Variants in VSIR observed in about 807,000 individuals in gnomAD.
The protein encoded by VSIR is V-type immunoglobulin domain-containing suppressor of T-cell activation.
In VSIR, 10 loss-of-function variants were observed where a neutral mutation model predicts 31.0. The ratio of observed to expected loss-of-function variants is 0.32; its 90% CI spans 0.20 to 0.55. The LOEUF (loss-of-function observed/expected upper bound fraction) is 0.55. Ranked by LOEUF, VSIR falls within the 20% of genes least tolerant of loss-of-function variation. The pLI is 0.93. For missense variants in VSIR, 356 were observed against 416.2 expected, an observed-to-expected ratio of 0.86 and a Z score of 1.26; for synonymous variants, 179 against 180.1, an observed-to-expected ratio of 0.99 and a Z score of 0.05.
Position 71,762,017 on chromosome 10 carries a change from G to C in VSIR, c.92C>G (p.Ala31Gly). 6.2e-7 allele frequency: 1 copy of C among 1,601,388 alleles called. No homozygotes were observed. Among genetic ancestry groups the C allele is most frequent in the Non-Finnish European group, 8.5e-7 (1 of 1,172,894 alleles). ...ATACGGCGTGGCGACCTTGAAGGCT[G>C]CCACCGGACCTGCTCAGAGAGAGGA... The part of the protein sequence containing the change: ...LFLAASLGPV[A>G]AFKVATPYSL... The change falls in exon 2 of 7, where the codon GCA (alanine) becomes GGA (glycine). Residue 31 changes from alanine to glycine, a missense_variant. Transcript: ENST00000394957.
Position 71,760,852 on chromosome 10 carries a change from G to A in VSIR, c.568+16C>T, listed in dbSNP as rs1288652764. The stretch of plus-strand genomic sequence containing the variant: ...AAAACAGAGAACCCAAAAGGGGCAA[G>A]AGGTTGGTCCCTTACTTTCACTATC... On this transcript the variant is annotated intron_variant, in intron 3 of 6. Coordinates refer to ENST00000394957, the MANE Select transcript of VSIR (RefSeq NM_022153.2). 6 of 1,609,794 alleles carry A rather than the reference G, an allele frequency of 3.7e-6. No homozygotes were observed. The highest frequency in any genetic ancestry group is 1.7e-5 in the Admixed American group (1 of 60,014).
intron 5 of VSIR, among the ~76,000 whole-genome samples, chr10:71,752,547 T>G (rs1359676781): frequency 6.6e-6 from 1 of 152,054 alleles, no homozygotes; most frequent in Non-Finnish European, 1.5e-5. Context: ...ACTGCACCAC[T>G]CTGGGACCCC....
chr10:71,754,993 T>C, intron 4 of VSIR: 2 of 439,564 alleles, frequency 4.5e-6, no homozygotes, highest in East Asian at 6.7e-5. Context: ...TTGCTACTAA[T>C]TACAAAACAA....
Position 71,751,558 on chromosome 10 carries a change from G to A in VSIR, c.898+110C>T, listed in dbSNP as rs1012623409. 2.1e-5 allele frequency: 26 copies of A among 1,238,932 alleles called. No individual in the cohort carries two copies. The African/African-American group carries it at 2.6e-4, about 12-fold the overall frequency. 76.7% of individuals were successfully genotyped at this position (1,238,932 alleles called of 1,614,324 possible). A position where few individuals can be genotyped will look rare whatever the true frequency, so the allele number is the denominator to read the frequency against. The stretch of plus-strand genomic sequence containing the variant: ...TGTCCCTCACCCTCAACCCCACCCC[G>A]TGAGGCCGTGGAACTCTTCAGGGAG... On this transcript the variant is annotated intron_variant, in intron 6 of 6. Transcript: ENST00000394957. This position sits in a 1 kb window ranked among gnomAD's most constrained non-coding sequence, Gnocchi z 4.9.
chr10:71,754,773 G>A (rs1299338044), intron 4 of VSIR, among the ~76,000 whole-genome samples: 1 of 152,106 alleles, frequency 6.6e-6, no homozygotes, highest in African/African-American at 2.4e-5. Flanking sequence ...TTTATTATAT[G>A]GTGGACTTCT....
intron 1 of VSIR, among the ~76,000 whole-genome samples, chr10:71,769,031 CCTT>C (rs1172804823): frequency 6.6e-6 from 1 of 152,208 alleles, no homozygotes; most frequent in Non-Finnish European, 1.5e-5. Flanking sequence ...GGCCCCACCT[CCTT>C]CTTGAAGACG....
chr10:71,753,825 G>T (rs1260885630), intron 4 of VSIR: 3 of 456,482 alleles, frequency 6.6e-6, no homozygotes, highest in Non-Finnish European at 1.3e-5. Context: ...TTACCCAAAA[G>T]TTCCTGAAAT....
At chr10:71,766,973 C>T (rs1404248122) in intron 1 of VSIR, among the ~76,000 whole-genome samples, 1 of 152,246 alleles carries the variant, frequency 6.6e-6, no homozygotes. Flanking sequence ...CTGAAAACAT[C>T]ATTCTTTCAT....
intron 1 of VSIR, among the ~76,000 whole-genome samples, chr10:71,772,376 A>G (rs553059428): frequency 1.3e-5 from 2 of 152,170 alleles, no homozygotes; most frequent in East Asian, 3.9e-4. Context: ...GAGTCCCTGC[A>G]TGACTCATAC....
At chr10:71,762,113 C>T in intron 1 of VSIR, 87 bp from the exon 2 acceptor site, 1 of 1,418,062 alleles carries the variant, frequency 7.1e-7, no homozygotes. Context: ...TTAGCCTCTG[C>T]TACTTCCCAG....
Position 71,761,962 on chromosome 10 carries a change from G to A in VSIR, c.147C>T (p.Asn49=), listed in dbSNP as rs374174422. Residue 49 remains asparagine, a synonymous_variant, in exon 2 of 7, where the codon AAC becomes AAT. Coordinates refer to ENST00000394957, the MANE Select transcript of VSIR (RefSeq NM_022153.2). Reference sequence around the variant, plus strand: ...CCAAGAGCCTGCAGGTGAGGGTGACGTTCTGCCCCTCGGGACAGACATACA... The same window carrying A: ...CCAAGAGCCTGCAGGTGAGGGTGACATTCTGCCCCTCGGGACAGACATACA... The part of the protein sequence containing the change: ...YSLYVCPEGQ[N]VTLTCRLLGP... The A allele has an allele frequency of 1.4e-5, 22 of 1,613,746 alleles. No individual in the cohort carries two copies. The highest frequency in any genetic ancestry group is 5.0e-5 in the Admixed American group (3 of 60,012).
intron 3 of VSIR, among the ~76,000 whole-genome samples, chr10:71,755,753 G>A (rs977804441): frequency 1.6e-4 from 24 of 152,122 alleles, no homozygotes; most frequent in African/African-American, 5.8e-4. Context: ...CCTCATCCCA[G>A]CCCACAAGGT....
intron 3 of VSIR, among the ~76,000 whole-genome samples, chr10:71,760,292 T>TCAC: frequency 9.4e-6 from 1 of 106,938 alleles, no homozygotes; most frequent in South Asian, 2.9e-4. Context: ...TATATATGTG[T>TCAC]ATATATATGT....
At chr10:71,771,141 C>A (rs1376467928) in intron 1 of VSIR, among the ~76,000 whole-genome samples, 1 of 152,160 alleles carries the variant, frequency 6.6e-6, no homozygotes, top group African/African-American at 2.4e-5. Flanking sequence ...GAGGACAGGG[C>A]AAGGACAGTA....
At chr10:71,762,324 A>G (rs566140909) in intron 1 of VSIR, among the ~76,000 whole-genome samples, 4 of 152,338 alleles carry the variant, frequency 2.6e-5, no homozygotes, top group African/African-American at 7.2e-5. Context: ...AGTAGAGTAT[A>G]TGCAAAACCT....
At chr10:71,766,150 C>G (rs571694995) in intron 1 of VSIR, among the ~76,000 whole-genome samples, 1 of 152,210 alleles carries the variant, frequency 6.6e-6, no homozygotes, top group African/African-American at 2.4e-5. Context: ...AATTCTTTGG[C>G]GAGAGGATGT....
rs1840732959 is a variant in VSIR, at chr10:71,773,385, A to G, written c.55T>C (p.Phe19Leu). Reference sequence around the variant, plus strand: ...AGGGACGCAGCCAGGAAGAGAGCGAAGAGCAGGGATCCCCAGCGCCAGCTG... The same window carrying G: ...AGGGACGCAGCCAGGAAGAGAGCGAGGAGCAGGGATCCCCAGCGCCAGCTG... ...AGSWRWGSLLFALFLAASLGP... is the reference protein window; with the variant it reads ...AGSWRWGSLLLALFLAASLGP... Residue 19 changes from phenylalanine (F) to leucine (L), a missense_variant, in exon 1 of 7, where the codon TTC (phenylalanine) becomes CTC (leucine). Physicochemically the swap from Phe to Leu is conservative, Grantham distance 22. Transcript: ENST00000394957. 6.2e-7 allele frequency: 1 copy of G among 1,610,484 alleles called. No individual in the cohort carries two copies. Among genetic ancestry groups the G allele is most frequent in the Non-Finnish European group, 8.5e-7 (1 of 1,178,694 alleles).
chr10:71,756,660 GT>G (rs1840157112), intron 3 of VSIR, among the ~76,000 whole-genome samples: 1 of 152,214 alleles, frequency 6.6e-6, no homozygotes, highest in African/African-American at 2.4e-5. Context: ...GACTGCAGGA[GT>G]TTAGCTGGGA....
intron 1 of VSIR, among the ~76,000 whole-genome samples, chr10:71,767,209 C>G (rs1199273907): frequency 6.6e-6 from 1 of 152,226 alleles, no homozygotes; most frequent in Non-Finnish European, 1.5e-5. Context: ...TCTCTCCACC[C>G]AGCAGGCCCC....
Sources: allele counts gnomAD v4.1 joint callset (sites outside exome capture counted in the v4.1 genomes callset), GRCh38; gene constraint gnomAD v4.1.1; non-coding constraint Gnocchi (gnomAD v3.1); transcripts MANE v1.5; gene names NCBI Gene and HGNC (gene_info 2026-07-23, HGNC 2026-07-21).